EPHA2: variants seen among roughly 807,000 people sequenced by gnomAD.
EPHA2 encodes EPH receptor A2, also known as ephrin type-A receptor 2.
In EPHA2, 54 loss-of-function variants were observed where a neutral mutation model predicts 104.9. That is an observed-to-expected ratio of 0.51 (90% CI 0.41 to 0.65). The LOEUF is 0.65. Ranked by LOEUF, EPHA2 falls within the 30% of genes least tolerant of loss-of-function variation. EPHA2 has a pLI of 0.00. For missense variants in EPHA2, 1,117 were observed against 1,369.5 expected (o/e 0.82, Z 2.91); for synonymous variants, 560 against 559.1 (o/e 1.00, Z -0.02).
Position 16,135,240 on chromosome 1 carries a change from C to CCT in EPHA2, c.1429-53_1429-52dup. The CCT allele has an allele frequency of 6.2e-7, 1 of 1,610,654 alleles. No homozygotes were observed. The highest frequency in any genetic ancestry group is 2.2e-5 in the East Asian group (1 of 44,852). On this transcript the variant is annotated intron_variant, in intron 6 of 16. Transcript: ENST00000358432. The surrounding 1 kb of genome is among the most constrained non-coding windows in gnomAD (Gnocchi z 4.3). ...GCAGGCAGTGAGGGCAGGGCAGGGG[C>CCT]CTCGGCTCAGCCCGCTGGAGACCAC...
chr1:16,138,191 C>T lies in EPHA2; in HGVS notation c.980-6G>A, dbSNP rs1334653704. On this transcript the variant is annotated splice_polypyrimidine_tract_variant and splice_region_variant and intron_variant, in intron 4 of 16. Transcript: ENST00000358432. The stretch of plus-strand genomic sequence containing the variant: ...GTGTGGGGCGGAGGGGGGTCCTGCA[C>T]AGACAGGAGGAGTCAGTGCTGTGCT... The T allele has an allele frequency of 3.7e-6, 6 of 1,610,568 alleles. No homozygotes were observed. The highest frequency in any genetic ancestry group is 5.1e-6 in the Non-Finnish European group (6 of 1,179,890).
At chr1:16,132,302 G>A in intron 12 of EPHA2, 29 bp from the exon 13 acceptor site, 1 of 1,613,942 alleles carries the variant, frequency 6.2e-7, no homozygotes, top group South Asian at 1.1e-5. Flanking sequence ...TCAGCTGCAG[G>A]CCAGCCCTGA....
At chr1:16,151,989 T>C (rs918762783) in intron 1 of EPHA2, among the ~76,000 whole-genome samples, 1 of 152,206 alleles carries the variant, frequency 6.6e-6, no homozygotes, top group Non-Finnish European at 1.5e-5. Flanking sequence ...CCCTAGGTAC[T>C]GTCCCCACTC....
In EPHA2 at chr1:16,150,039, C is replaced by T. The variant is rs990078028; in HGVS notation, c.153+857G>A. On this transcript the variant is annotated intron_variant, in intron 2 of 16. Coordinates refer to ENST00000358432, the MANE Select transcript of EPHA2 (RefSeq NM_004431.5). This position sits in a 1 kb window ranked among gnomAD's most constrained non-coding sequence, Gnocchi z 4.8. The stretch of plus-strand genomic sequence containing the variant: ...AAAGACTGGGTTGTATTAGGTGACC[C>T]GTGTTCCCTCCCAGCTAGACTTCCA... 3.3e-5 allele frequency among the ~76,000 whole-genome samples: 5 copies of T among 152,126 alleles called. No homozygotes were observed. Among genetic ancestry groups the T allele is most frequent in the Admixed American group, 6.5e-5 (1 of 15,272 alleles).
At chr1:16,147,193 T>C (rs1488158417) in intron 3 of EPHA2, among the ~76,000 whole-genome samples, 1 of 152,188 alleles carries the variant, frequency 6.6e-6, no homozygotes, top group Non-Finnish European at 1.5e-5. Context: ...TGCCCAAGCC[T>C]CATTCCCCAA....
chr1:16,154,587 C>T (rs2025112439), intron 1 of EPHA2, among the ~76,000 whole-genome samples: 1 of 151,760 alleles, frequency 6.6e-6, no homozygotes, highest in Non-Finnish European at 1.5e-5. Flanking sequence ...AACCTCGTCT[C>T]CACTAAAAGA....
Position 16,131,564 on chromosome 1 carries a change from G to A in EPHA2, c.2475+157C>T, listed in dbSNP as rs532597592. Among the ~76,000 whole-genome samples the A allele has an allele frequency of 1.8e-3, 269 of 151,442 alleles. 1 individual carries two copies. Among genetic ancestry groups the A allele is most frequent in the Non-Finnish European group, 1.4e-3 (95 of 67,920 alleles). The stretch of plus-strand genomic sequence containing the variant: ...CAGTGAACTCCAGCCTGGGCAACAA[G>A]AGCAAAACTCCGTCTCCAAAAAAAA... On this transcript the variant is annotated intron_variant, in intron 14 of 16. Coordinates refer to ENST00000358432, the MANE Select transcript of EPHA2 (RefSeq NM_004431.5). The surrounding 1 kb of genome is among the most constrained non-coding windows in gnomAD (Gnocchi z 5.2).
chr1:16,148,739 G>A lies in EPHA2; in HGVS notation c.462C>T (p.Ser154=), dbSNP rs750228459. The A allele has an allele frequency of 1.4e-5, 23 of 1,613,788 alleles. No homozygotes were observed. The highest frequency in any genetic ancestry group is 6.7e-5 in the African/African-American group (5 of 74,954). Residue 154 remains serine, a synonymous_variant, in exon 3 of 17, where the codon AGC becomes AGT. Coordinates refer to ENST00000358432, the MANE Select transcript of EPHA2 (RefSeq NM_004431.5). This position sits in a 1 kb window ranked among gnomAD's most constrained non-coding sequence, Gnocchi z 4.9. ...GCTTCACGTGGCGTGCCTCGAAGTC[G>A]CTGCTGACGGTGATCTCATCGGGCG... ...TIAPDEITVS[S]DFEARHVKLN... is the part of the protein sequence containing the mutation.
intron 3 of EPHA2, among the ~76,000 whole-genome samples, chr1:16,144,113 G>A (rs541582423): frequency 1.3e-5 from 2 of 152,160 alleles, no homozygotes; most frequent in East Asian, 1.9e-4. Context: ...CCTTCCTTCC[G>A]TTCTGGGGAC....
In EPHA2 at chr1:16,132,151, G is replaced by A. The variant is rs145981210; in HGVS notation, c.2238C>T (p.Leu746=). The A allele has an allele frequency of 6.8e-5, 110 of 1,614,226 alleles. No homozygotes were observed. In the African/African-American group the frequency reaches 1.0e-3, roughly 15 times the overall value. Residue 746 remains leucine (L), a synonymous_variant, in exon 13 of 17, where the codon CTC becomes CTT. Coordinates refer to ENST00000358432, the MANE Select transcript of EPHA2 (RefSeq NM_004431.5). ...CCTTGCAGACCAGGTTGCTGTTGAC[G>A]AGGATGTTGCGGGCAGCCAGGTCAC... is the stretch of plus-strand genomic sequence containing the variant. ...VHRDLAARNI[L]VNSNLVCKVS... is the part of the protein sequence containing the mutation.
At chr1:16,144,503 A>C (rs1399036774) in intron 3 of EPHA2, among the ~76,000 whole-genome samples, 1 of 152,130 alleles carries the variant, frequency 6.6e-6, no homozygotes, top group Non-Finnish European at 1.5e-5. Flanking sequence ...TACCCTGGCC[A>C]GGGGACTCCT....
At chr1:16,152,175 C>G (rs1235688815) in intron 1 of EPHA2, among the ~76,000 whole-genome samples, 2 of 152,190 alleles carry the variant, frequency 1.3e-5, no homozygotes, top group Non-Finnish European at 2.9e-5. Context: ...CATGAGGGAT[C>G]TGCCTCAGAA....
At chr1:16,154,441 C>A (rs1402292392) in intron 1 of EPHA2, among the ~76,000 whole-genome samples, 1 of 152,012 alleles carries the variant, frequency 6.6e-6, no homozygotes, top group Non-Finnish European at 1.5e-5. Context: ...ACCTCCAAAC[C>A]CAGTTTGGGA....
rs1016603763 is a variant in EPHA2, at chr1:16,148,250, T to A, written c.823+128A>T. ...ACTGATGTCTGGGAAGGATCTATAATTTCCACTAACAGAACTAATGTGTGT... is the reference window on the plus strand; with the variant it reads ...ACTGATGTCTGGGAAGGATCTATAAATTCCACTAACAGAACTAATGTGTGT... On this transcript the variant is annotated intron_variant, in intron 3 of 16. Coordinates refer to ENST00000358432, the MANE Select transcript of EPHA2 (RefSeq NM_004431.5). The surrounding 1 kb of genome is among the most constrained non-coding windows in gnomAD (Gnocchi z 4.9). The A allele has an allele frequency of 8.4e-7, 1 of 1,191,782 alleles. No individual in the cohort carries two copies. The highest frequency in any genetic ancestry group is 1.2e-5 in the South Asian group (1 of 80,480). 73.8% of individuals were successfully genotyped at this position (1,191,782 alleles called of 1,614,324 possible). A position where few individuals can be genotyped will look rare whatever the true frequency, so the allele number is the denominator to read the frequency against.
chr1:16,154,991 G>A (rs74054928), intron 1 of EPHA2, among the ~76,000 whole-genome samples: 9,089 of 151,932 alleles, frequency 0.06, 927 homozygotes, highest in African/African-American at 0.21. Flanking sequence ...CCCCCACCAC[G>A]CACCCGCTGC....
chr1:16,154,145 A>AC (rs1045764168), intron 1 of EPHA2, among the ~76,000 whole-genome samples: 4 of 150,798 alleles, frequency 2.7e-5, no homozygotes, highest in East Asian at 3.9e-4. Context: ...CTAATCCCCC[A>AC]CCCCCCCATG....
At chr1:16,141,258 A>C (rs2024819404) in intron 3 of EPHA2, among the ~76,000 whole-genome samples, 1 of 152,150 alleles carries the variant, frequency 6.6e-6, no homozygotes, top group Non-Finnish European at 1.5e-5. Flanking sequence ...GTGAGCAGAA[A>C]AGTGTAGACT....
In EPHA2 at chr1:16,125,715, G is replaced by C. The variant is rs1453845091; in HGVS notation, c.2826-395C>G. On this transcript the variant is annotated intron_variant, in intron 16 of 16. Transcript: ENST00000358432. The surrounding 1 kb of genome is among the most constrained non-coding windows in gnomAD (Gnocchi z 4.9). Reference sequence around the variant, plus strand: ...AAAGTGACTTGCCTGAAGTCACACAGCTAGGAGGTGGAAGAGCTGGGAATC... The same window carrying C: ...AAAGTGACTTGCCTGAAGTCACACACCTAGGAGGTGGAAGAGCTGGGAATC... Among the ~76,000 whole-genome samples the C allele has an allele frequency of 2.0e-5, 3 of 152,162 alleles. No individual in the cohort carries two copies. The highest frequency in any genetic ancestry group is 7.2e-5 in the African/African-American group (3 of 41,426).
intron 16 of EPHA2, among the ~76,000 whole-genome samples, chr1:16,126,081 C>T (rs1325622243): frequency 2.6e-5 from 4 of 152,084 alleles, no homozygotes; most frequent in Admixed American, 6.6e-5. Flanking sequence ...ATCTGGAGGG[C>T]GAGAGACCTC....
Sources: gnomAD v4.1 joint callset for allele counts (sites outside exome capture counted in the v4.1 genomes callset) on GRCh38, gnomAD v4.1.1 for gene constraint, Gnocchi (gnomAD v3.1) non-coding constraint, MANE v1.5 for transcripts, NCBI Gene and HGNC (gene_info 2026-07-23, HGNC 2026-07-21) for gene names.